SYPL2: variants seen among roughly 807,000 people sequenced by gnomAD.
The protein encoded by SYPL2 is synaptophysin-like protein 2.
SYPL2 carries 24 observed loss-of-function variants against 31.3 expected under a neutral mutation model. The observed-to-expected ratio is 0.77, with a 90% CI of 0.56 to 1.08. The LOEUF (loss-of-function observed/expected upper bound fraction) is 1.08, where lower values mean the gene tolerates loss of function less well. Ranked by LOEUF, SYPL2 falls within the 50% of genes least tolerant of loss-of-function variation. The pLI is 0.00. For synonymous variants in SYPL2, 144 were observed against 143.1 expected (o/e 1.01, Z -0.05); for missense variants, 342 against 360.1 (o/e 0.95, Z 0.41).
In SYPL2 at chr1:109,479,394, A is replaced by C. The variant is rs186022503; in HGVS notation, c.665A>C (p.Asn222Thr). Residue 222 changes from asparagine to threonine, a missense_variant, in exon 6 of 6, where the codon AAC becomes ACC. Physicochemically the swap from Asn to Thr is moderately conservative, Grantham distance 65. Transcript: ENST00000369872. Reference sequence around the variant, plus strand: ...TCTTTGCAGCTCTTTGGCTTTATCAACTTCTTCCTGTGGGCCGGGAACTGT... The same window carrying C: ...TCTTTGCAGCTCTTTGGCTTTATCACCTTCTTCCTGTGGGCCGGGAACTGT... ...ANISVLFGFI[N>T]FFLWAGNCWF... 6.8e-6 allele frequency: 11 copies of C among 1,613,872 alleles called. No individual in the cohort carries two copies. Among genetic ancestry groups the C allele is most frequent in the Admixed American group, 5.0e-5 (3 of 60,014 alleles).
At chr1:109,466,982 G>A in intron 1 of SYPL2, 77 bp from the exon 2 acceptor site, 1 of 1,536,620 alleles carries the variant, frequency 6.5e-7, no homozygotes, top group Non-Finnish European at 8.7e-7. Context: ...TGGACCGCGT[G>A]TGAGTGGGGC....
chr1:109,472,135 C>CT (rs924464740), intron 2 of SYPL2, among the ~76,000 whole-genome samples: 3 of 151,610 alleles, frequency 2.0e-5, no homozygotes, highest in Non-Finnish European at 4.4e-5. Flanking sequence ...TATTCTTTTT[C>CT]TTTTTTTGAG....
chr1:109,466,981 T>C (rs1243058884), intron 1 of SYPL2, 78 bp from the exon 2 acceptor site: 9 of 1,535,934 alleles, frequency 5.9e-6, no homozygotes, highest in Non-Finnish European at 7.9e-6. Flanking sequence ...CTGGACCGCG[T>C]GTGAGTGGGG....
Position 109,475,638 on chromosome 1 carries a change from A to G in SYPL2, c.187A>G (p.Met63Val), listed in dbSNP as rs1418709458. ...CTCCTACAGCGGGGAGACAGGAGCA[A>G]TGGTTCGCTGCAACAACGAAGCCAA... ...CGSYSGETGA[M>V]VRCNNEAKDV... The change falls in exon 3 of 6, where the codon ATG (methionine) becomes GTG (valine). Residue 63 changes from methionine (M) to valine (V), a missense_variant. Met to Val is a conservative substitution (Grantham distance 21). Transcript: ENST00000369872. 13 of 1,614,052 alleles carry G rather than the reference A, an allele frequency of 8.1e-6. No homozygotes were observed. Among genetic ancestry groups the G allele is most frequent in the Non-Finnish European group, 1.1e-5 (13 of 1,180,020 alleles).
In SYPL2 at chr1:109,478,322, C is replaced by A. The variant is rs1308144926; in HGVS notation, c.648+313C>A. On this transcript the variant is annotated intron_variant, in intron 5 of 5. Transcript: ENST00000369872. This position sits in a 1 kb window ranked among gnomAD's most constrained non-coding sequence, Gnocchi z 4.0. ...GATGTCTCCCCTCCTCCTGCCTGTT[C>A]TACACAATGTGTGTGAACACATAAA... Among the ~76,000 whole-genome samples, 2 of 152,202 alleles carry A rather than the reference C, an allele frequency of 1.3e-5. No homozygotes were observed. Among genetic ancestry groups the A allele is most frequent in the African/African-American group, 2.4e-5 (1 of 41,448 alleles).
chr1:109,466,974 G>A, intron 1 of SYPL2, 77 bp downstream of exon 1: 1 of 1,536,534 alleles, frequency 6.5e-7, no homozygotes, highest in Non-Finnish European at 8.7e-7. Flanking sequence ...CCCACCCCTG[G>A]ACCGCGTGTG....
chr1:109,466,562 T>G lies in SYPL2; in HGVS notation c.-282T>G. On this transcript the variant is annotated 5_prime_UTR_variant, in exon 1 of 6. Coordinates refer to ENST00000369872, the MANE Select transcript of SYPL2 (RefSeq NM_001040709.2). ...ACGCCACGTGACCCGGCGGCCAAGT[T>G]CGCTGCGAGTTTGACAGAAGTTTGA... 1 of 379,964 alleles carries G rather than the reference T, an allele frequency of 2.6e-6. No individual in the cohort carries two copies. The highest frequency in any genetic ancestry group is 4.7e-6 in the Non-Finnish European group (1 of 214,982). The allele number at this position is 379,964 out of a possible 1,614,324, so 23.5% of individuals were successfully genotyped here.
rs1250588780 is a variant in SYPL2, at chr1:109,478,726, C to A, written c.649-652C>A. Among the ~76,000 whole-genome samples the A allele has an allele frequency of 6.6e-6, 1 of 152,154 alleles. No individual in the cohort carries two copies. Among genetic ancestry groups the A allele is most frequent in the Non-Finnish European group, 1.5e-5 (1 of 68,022 alleles). On this transcript the variant is annotated intron_variant, in intron 5 of 5. Coordinates refer to ENST00000369872, the MANE Select transcript of SYPL2 (RefSeq NM_001040709.2). This position sits in a 1 kb window ranked among gnomAD's most constrained non-coding sequence, Gnocchi z 4.0. ...TTTATTGTAGAAATGTTCACAGGTA[C>A]AACAAAGTTGAAAGAATTTTACAGT...
rs1038186099 is a variant in SYPL2, at chr1:109,480,619, C to T, written c.*1071C>T. 4 of 152,554 alleles carry T rather than the reference C, an allele frequency of 2.6e-5. No individual in the cohort carries two copies. Among genetic ancestry groups the T allele is most frequent in the Non-Finnish European group, 4.4e-5 (3 of 68,056 alleles). 9.5% of individuals were successfully genotyped at this position (152,554 alleles called of 1,614,324 possible). On this transcript the variant is annotated 3_prime_UTR_variant, in exon 6 of 6. Transcript: ENST00000369872. ...CCAGGATGGATGGGCCCATTTTTTC[C>T]TTATTCCCTGCTCAGTTTTTTCCCC...
At chr1:109,471,638 C>A (rs1655837118) in intron 2 of SYPL2, among the ~76,000 whole-genome samples, 1 of 152,094 alleles carries the variant, frequency 6.6e-6, no homozygotes, top group Admixed American at 6.6e-5. Flanking sequence ...TGGTCTCGAA[C>A]CCCTGACCTC....
intron 4 of SYPL2, 71 bp from the exon 5 acceptor site, chr1:109,477,747 G>T: frequency 6.5e-7 from 1 of 1,537,828 alleles, no homozygotes; most frequent in South Asian, 1.3e-5. Context: ...CAGTATCATG[G>T]CAAGTGGAAA....
rs193098034 is a variant in SYPL2 at position 109,476,809 on chromosome 1, C to T, written c.288C>T (p.Cys96=). The change falls in exon 4 of 6, where the codon TGC becomes TGT. Residue 96 remains cysteine, a synonymous_variant. Coordinates refer to ENST00000369872, the MANE Select transcript of SYPL2 (RefSeq NM_001040709.2). The part of the protein sequence containing the change: ...LHRIQYEMPL[C]DEESSSKTMH... ...GGATCCAATATGAGATGCCCCTCTGCGATGAAGAGTCCAGCTCCAAGACCA... is the reference window on the plus strand; with the variant it reads ...GGATCCAATATGAGATGCCCCTCTGTGATGAAGAGTCCAGCTCCAAGACCA... The T allele has an allele frequency of 3.4e-4, 554 of 1,614,156 alleles. 6 individuals are homozygous for T. The East Asian group carries it at 0.011, about 31-fold the overall frequency.
intron 3 of SYPL2, 70 bp from the exon 4 acceptor site, chr1:109,476,706 C>CA (rs1477960258): frequency 2.0e-6 from 3 of 1,496,858 alleles, no homozygotes; most frequent in African/African-American, 2.8e-5. Context: ...AGAACTAGCA[C>CA]AGGACTACTT....
chr1:109,475,680 A>G lies in SYPL2; in HGVS notation c.229A>G (p.Ile77Val), dbSNP rs1655978360. Residue 77 changes from isoleucine to valine, a missense_variant, in exon 3 of 6, where the codon ATC becomes GTC. Coordinates refer to ENST00000369872, the MANE Select transcript of SYPL2 (RefSeq NM_001040709.2). ...CGAAGCCAAGGACGTGAGCTCCATC[A>G]TCGTTGCATTTGGCTATCCCTTCAG... ...NNEAKDVSSI[I>V]VAFGYPFRLH... 3 of 1,614,072 alleles carry G rather than the reference A, an allele frequency of 1.9e-6. No individual in the cohort carries two copies. Among genetic ancestry groups the G allele is most frequent in the Non-Finnish European group, 2.5e-6 (3 of 1,179,956 alleles).
At position 109,474,818 on chromosome 1, in the gene SYPL2, A is replaced by C. The variant is rs375046097; in HGVS notation, c.130-763A>C. ...GATCTTAACACTGAGAAATGGCAGC[A>C]TCAACAGATGACAAAGGGAAATACC... On this transcript the variant is annotated intron_variant, in intron 2 of 5. Transcript: ENST00000369872. Among the ~76,000 whole-genome samples the C allele has an allele frequency of 3.9e-4, 60 of 152,390 alleles. No homozygotes were observed. The East Asian group carries it at 6.9e-3, about 18-fold the overall frequency.
At chr1:109,475,775 C>T (rs931579956) in intron 3 of SYPL2, 70 bp downstream of exon 3, 4 of 1,561,152 alleles carry the variant, frequency 2.6e-6, no homozygotes, top group Non-Finnish European at 3.5e-6. Context: ...TTGGTCTCTT[C>T]CTCCTCCAGA....
rs997997274 is a variant in SYPL2 at position 109,479,590 on chromosome 1, T to C, written c.*42T>C. 1 of 1,588,816 alleles carries C rather than the reference T, an allele frequency of 6.3e-7. No individual in the cohort carries two copies. Among genetic ancestry groups the C allele is most frequent in the Non-Finnish European group, 8.6e-7 (1 of 1,163,812 alleles). ...CTATTCCCGAACTGGACAGCACCTC[T>C]TCAACCACCTCCGGCTTCCAGGACC... On this transcript the variant is annotated 3_prime_UTR_variant, in exon 6 of 6. Transcript: ENST00000369872.
rs937843547 is a variant in SYPL2, at chr1:109,475,478, C to G, written c.130-103C>G. 1.1e-4 allele frequency: 165 copies of G among 1,452,758 alleles called. 1 individual carries two copies. In the Middle Eastern group the frequency reaches 5.4e-3, roughly 48 times the overall value. 90.0% of individuals were successfully genotyped at this position (1,452,758 alleles called of 1,614,324 possible). A position where few individuals can be genotyped will look rare whatever the true frequency, so the allele number is the denominator to read the frequency against. ...ATTAAAGGGGATCCTCACTCTCCCC[C>G]ACTCCCGCACTTAATGTCTGCACCT... On this transcript the variant is annotated intron_variant, in intron 2 of 5. Transcript: ENST00000369872.
In SYPL2 at chr1:109,466,812, A is replaced by C. The variant is rs2787015; in HGVS notation, c.-32A>C. On this transcript the variant is annotated 5_prime_UTR_variant, in exon 1 of 6. Transcript: ENST00000369872. ...CGCCTCCCGGCCAGAGAGCCAAGCC[A>C]CCACGCCGCGCCCAGCGCTCGCCGC... The C allele has an allele frequency of 0.71, 1,074,524 of 1,508,000 alleles. 385,788 individuals carry two copies. The highest frequency in any genetic ancestry group is 0.97 in the East Asian group (36,178 of 37,148). The allele number at this position is 1,508,000 out of a possible 1,614,324, so 93.4% of individuals were successfully genotyped here. A position where few individuals can be genotyped will look rare whatever the true frequency, so the allele number is the denominator to read the frequency against.
Sources: allele counts gnomAD v4.1 joint callset (sites outside exome capture counted in the v4.1 genomes callset), GRCh38; gene constraint gnomAD v4.1.1; non-coding constraint Gnocchi (gnomAD v3.1); transcripts MANE v1.5; gene names NCBI Gene and HGNC (gene_info 2026-07-23, HGNC 2026-07-21).